The following ADAM12 variants were observed in gnomAD, a reference collection of about 807,000 sequenced individuals.
The protein encoded by ADAM12 is ADAM metallopeptidase domain 12, also known as disintegrin and metalloproteinase domain-containing protein 12.
Under a neutral mutation model 106.4 loss-of-function variants are expected in ADAM12, and 70 were observed. That is an observed-to-expected ratio of 0.66 (90% CI 0.54 to 0.80). The LOEUF (loss-of-function observed/expected upper bound fraction) is 0.80. Among genes scored for constraint, ADAM12 ranks in the 30% least tolerant of loss-of-function variants. The pLI is 0.00. For missense variants in ADAM12, 1,010 were observed against 1,171.9 expected (o/e 0.86, Z 2.02); for synonymous variants, 420 against 433.5 (o/e 0.97, Z 0.39).
intron 3 of ADAM12, among the ~76,000 whole-genome samples, chr10:126,181,577 A>G (rs1957313203): frequency 6.6e-6 from 1 of 152,170 alleles, no homozygotes; most frequent in Non-Finnish European, 1.5e-5. Context: ...CAGCCACTCA[A>G]GAAACATTAA....
At chr10:126,346,337 T>G (rs2133878468) in intron 1 of ADAM12, among the ~76,000 whole-genome samples, 1 of 152,360 alleles carries the variant, frequency 6.6e-6, no homozygotes, top group Admixed American at 6.5e-5. Context: ...CGGTTTTTAG[T>G]GAGTTTCTTA....
chr10:126,089,023 T>C (rs1955412326), intron 11 of ADAM12, among the ~76,000 whole-genome samples: 1 of 152,018 alleles, frequency 6.6e-6, no homozygotes, highest in Non-Finnish European at 1.5e-5. Flanking sequence ...TCCCACATTA[T>C]CCTCAGTGCA....
chr10:126,147,607 C>T (rs772858623), intron 4 of ADAM12, among the ~76,000 whole-genome samples: 4 of 152,234 alleles, frequency 2.6e-5, no homozygotes, highest in Non-Finnish European at 5.9e-5. Context: ...AACGTTTCTC[C>T]TCCTGTCCCC....
At chr10:126,167,593 C>A (rs371324445) in intron 3 of ADAM12, among the ~76,000 whole-genome samples, 1 of 152,170 alleles carries the variant, frequency 6.6e-6, no homozygotes, top group East Asian at 1.9e-4. Flanking sequence ...TCATACTATT[C>A]CATGCGTAAA....
At chr10:126,024,898 G>A (rs543080820) in intron 21 of ADAM12, among the ~76,000 whole-genome samples, 5 of 151,320 alleles carry the variant, frequency 3.3e-5, no homozygotes, top group Non-Finnish European at 5.9e-5. Context: ...GGAGTGACAC[G>A]GAGCCAAGGG....
At chr10:126,124,951 A>G (rs551752079) in intron 5 of ADAM12, among the ~76,000 whole-genome samples, 1 of 151,616 alleles carries the variant, frequency 6.6e-6, no homozygotes, top group Non-Finnish European at 1.5e-5. Flanking sequence ...CCAGCACATC[A>G]ATAATAATAA....
At position 126,094,059 on chromosome 10, in the gene ADAM12, A is replaced by G. The variant is rs1159060986; in HGVS notation, c.1071T>C (p.His357=). The part of the protein sequence containing the change: ...HELGHNFGMN[H]DTLDRGCSCQ... The stretch of plus-strand genomic sequence containing the variant: ...AGCTACAGCCCCTGTCCAGTGTGTC[A>G]TGATTCATCCCGAAATTGTGGCCCA... The change falls in exon 11 of 23, where the codon CAT becomes CAC. Residue 357 remains histidine (H), a synonymous_variant. Transcript: ENST00000448723. 2 of 1,614,144 alleles carry G rather than the reference A, an allele frequency of 1.2e-6. No individual in the cohort carries two copies. The highest frequency in any genetic ancestry group is 1.7e-6 in the Non-Finnish European group (2 of 1,180,040).
At chr10:126,106,422 T>C (rs1354675584) in intron 8 of ADAM12, among the ~76,000 whole-genome samples, 1 of 151,534 alleles carries the variant, frequency 6.6e-6, no homozygotes, top group Non-Finnish European at 1.5e-5. Context: ...CTTGTCCTTC[T>C]CACTTCCCCA....
intron 1 of ADAM12, among the ~76,000 whole-genome samples, chr10:126,380,721 A>G (rs1287898728): frequency 6.6e-6 from 1 of 152,260 alleles, no homozygotes; most frequent in African/African-American, 2.4e-5. Flanking sequence ...AACATTGTCT[A>G]GATTATACCA....
intron 3 of ADAM12, among the ~76,000 whole-genome samples, chr10:126,249,141 TAA>T (rs1958691321): frequency 6.6e-6 from 1 of 152,214 alleles, no homozygotes; most frequent in African/African-American, 2.4e-5. Context: ...ATGTTTCTCC[TAA>T]GTCTTGCCTC....
intron 1 of ADAM12, among the ~76,000 whole-genome samples, chr10:126,368,644 TTTG>T (rs1554876370): frequency 9.6e-5 from 10 of 104,220 alleles, no homozygotes; most frequent in East Asian, 2.6e-4. Context: ...CTGATGTAAG[TTTG>T]TTGTTGTTGT....
At chr10:126,052,361 G>T (rs1400022097) in intron 14 of ADAM12, among the ~76,000 whole-genome samples, 1 of 152,214 alleles carries the variant, frequency 6.6e-6, no homozygotes, top group East Asian at 1.9e-4. Context: ...TAGCTCCTAG[G>T]AAATGGGTGG....
At chr10:126,220,697 A>G (rs1335476279) in intron 3 of ADAM12, among the ~76,000 whole-genome samples, 1 of 152,246 alleles carries the variant, frequency 6.6e-6, no homozygotes, top group Non-Finnish European at 1.5e-5. Flanking sequence ...GATGGGTTCC[A>G]AAGTTATGAA....
intron 3 of ADAM12, among the ~76,000 whole-genome samples, chr10:126,160,909 G>A (rs1676732): frequency 0.55 from 84,286 of 152,048 alleles, 24,302 homozygotes; most frequent in East Asian, 0.74. Context: ...TGCTGTGCCC[G>A]TGTCTGGAAC....
chr10:126,060,893 T>C (rs1475581508), intron 14 of ADAM12, among the ~76,000 whole-genome samples: 1 of 152,122 alleles, frequency 6.6e-6, no homozygotes, highest in African/African-American at 2.4e-5. Context: ...CATCAACAAA[T>C]ACTTGACAAA....
At position 126,036,332 on chromosome 10, in the gene ADAM12, A is replaced by C; in HGVS notation, c.2350-7T>G. The stretch of plus-strand genomic sequence containing the variant: ...GCAATCTCCTGGGATTGTCCTGTAC[A>C]GTCAAAGTAAAAAGCCATGCTATAG... On this transcript the variant is annotated splice_polypyrimidine_tract_variant and splice_region_variant and intron_variant, in intron 20 of 22. Coordinates refer to ENST00000448723, the MANE Select transcript of ADAM12 (RefSeq NM_001288973.2). 1 of 1,567,132 alleles carries C rather than the reference A, an allele frequency of 6.4e-7. No homozygotes were observed. The highest frequency in any genetic ancestry group is 8.6e-7 in the Non-Finnish European group (1 of 1,162,744).
chr10:126,146,544 G>T (rs562412384), intron 4 of ADAM12, among the ~76,000 whole-genome samples: 1 of 152,190 alleles, frequency 6.6e-6, no homozygotes, highest in Admixed American at 6.5e-5. Context: ...CCTGTGCCCA[G>T]CTATCACCAG....
At chr10:126,238,763 T>C (rs922017805) in intron 3 of ADAM12, among the ~76,000 whole-genome samples, 3 of 152,182 alleles carry the variant, frequency 2.0e-5, no homozygotes, top group South Asian at 2.1e-4. Context: ...CAACAGCTCA[T>C]AAAATAAATC....
At chr10:126,276,585 T>C (rs540076910) in intron 3 of ADAM12, among the ~76,000 whole-genome samples, 1 of 152,302 alleles carries the variant, frequency 6.6e-6, no homozygotes, top group East Asian at 1.9e-4. Flanking sequence ...AATAGTAATA[T>C]TGGCATCCTC....
Sources: allele counts gnomAD v4.1 joint callset (sites outside exome capture counted in the v4.1 genomes callset), GRCh38; gene constraint gnomAD v4.1.1; transcripts MANE v1.5; gene names NCBI Gene and HGNC (gene_info 2026-07-23, HGNC 2026-07-21).